GPHB5: variants seen among roughly 807,000 people sequenced by gnomAD.
The protein encoded by GPHB5 is glycoprotein hormone subunit beta 5.
A neutral mutation model predicts 10.1 loss-of-function variants in GPHB5; 7 were observed. The ratio of observed to expected loss-of-function variants is 0.69; its 90% CI spans 0.39 to 1.30. The LOEUF (loss-of-function observed/expected upper bound fraction) is 1.30. Ranked by LOEUF, GPHB5 falls within the 50% of genes most tolerant of loss-of-function variation. GPHB5 has a pLI of 0.01. For synonymous variants in GPHB5, 68 were observed against 70.1 expected, an observed-to-expected ratio of 0.97 and a Z score of 0.15; for missense variants, 161 against 169.8, an observed-to-expected ratio of 0.95 and a Z score of 0.29.
In GPHB5 at chr14:63,312,896, A is replaced by G; in HGVS notation, c.*32T>C. On this transcript the variant is annotated 3_prime_UTR_variant, in exon 3 of 3. Coordinates refer to ENST00000621500, the MANE Select transcript of GPHB5 (RefSeq NM_145171.4). ...AAGTATAACTGCATGTGCTGCTCACACAGGTGGGTCTGCAGAGAGCAGCTA... is the reference window on the plus strand; with the variant it reads ...AAGTATAACTGCATGTGCTGCTCACGCAGGTGGGTCTGCAGAGAGCAGCTA... The G allele has an allele frequency of 6.5e-7, 1 of 1,536,778 alleles. No individual in the cohort carries two copies. The highest frequency in any genetic ancestry group is 1.2e-5 in the South Asian group (1 of 82,746).
intron 2 of GPHB5, among the ~76,000 whole-genome samples, chr14:63,314,905 C>CTTTTTTTT (rs71120257): frequency 4.1e-4 from 31 of 75,308 alleles, no homozygotes; most frequent in African/African-American, 1.0e-3. Context: ...TTTCTTTTTT[C>CTTTTTTTT]TTTTTTTTTT....
At chr14:63,318,500 A>G (rs1039367237) in intron 1 of GPHB5, among the ~76,000 whole-genome samples, 14 of 152,200 alleles carry the variant, frequency 9.2e-5, no homozygotes, top group African/African-American at 3.4e-4. Context: ...CTGCAACAGC[A>G]TCTACTTATG....
At chr14:63,317,323 C>G (rs920893310) in intron 2 of GPHB5, among the ~76,000 whole-genome samples, 6 of 152,146 alleles carry the variant, frequency 3.9e-5, no homozygotes, top group Admixed American at 1.3e-4. Flanking sequence ...GACTTTGCAG[C>G]CACTCTCCCT....
chr14:63,316,516 G>C (rs542100813), intron 2 of GPHB5, among the ~76,000 whole-genome samples: 12 of 152,292 alleles, frequency 7.9e-5, no homozygotes, highest in African/African-American at 2.6e-4. Context: ...CGCGTGTGGT[G>C]GGGGAGGAAG....
chr14:63,316,607 G>A (rs1882775523), intron 2 of GPHB5, among the ~76,000 whole-genome samples: 1 of 152,164 alleles, frequency 6.6e-6, no homozygotes, highest in Non-Finnish European at 1.5e-5. Flanking sequence ...CTGCAGATAG[G>A]CATCAGGAAT....
chr14:63,313,248 T>C (rs1490238787), intron 2 of GPHB5, 132 bp from the exon 3 acceptor site: 2 of 876,728 alleles, frequency 2.3e-6, no homozygotes, highest in African/African-American at 1.7e-5. Flanking sequence ...CGTCTCCCAG[T>C]AGAAAACAAA....
chr14:63,313,906 G>A (rs1321649994), intron 2 of GPHB5, among the ~76,000 whole-genome samples: 1 of 152,030 alleles, frequency 6.6e-6, no homozygotes, highest in African/African-American at 2.4e-5. Flanking sequence ...ACCACACGAC[G>A]TAGTCTACCT....
rs746699699 is a variant in GPHB5, at chr14:63,318,914, G to A, written c.-92C>T. On this transcript the variant is annotated 5_prime_UTR_variant, in exon 1 of 3. Transcript: ENST00000621500. ...AATGAATGGTAGAAGTTTGCCCTGG[G>A]TAAATGTCTCTACCTTCTGTTACTG... is the stretch of plus-strand genomic sequence containing the variant. The A allele has an allele frequency of 2.6e-5, 4 of 152,186 alleles. No individual in the cohort carries two copies. The highest frequency in any genetic ancestry group is 5.9e-5 in the Non-Finnish European group (4 of 68,030). The allele number at this position is 152,186 out of a possible 1,614,324, so 9.4% of individuals were successfully genotyped here.
chr14:63,317,200 G>T (rs1037298199), intron 2 of GPHB5, among the ~76,000 whole-genome samples: 1 of 152,116 alleles, frequency 6.6e-6, no homozygotes, highest in Non-Finnish European at 1.5e-5. Context: ...TCAGCTCAGG[G>T]CCTCTTTCTT....
chr14:63,316,690 T>G (rs1882776928), intron 2 of GPHB5, among the ~76,000 whole-genome samples: 1 of 152,166 alleles, frequency 6.6e-6, no homozygotes, highest in Non-Finnish European at 1.5e-5. Flanking sequence ...TAAGGGCTAT[T>G]TGATAAAACC....
chr14:63,315,960 G>A (rs1036373733), intron 2 of GPHB5, among the ~76,000 whole-genome samples: 29 of 152,292 alleles, frequency 1.9e-4, no homozygotes, highest in Middle Eastern at 3.4e-3. Context: ...TGAATCGAAC[G>A]GAAGCAGGAG....
In GPHB5 at chr14:63,313,018, C is replaced by T. The variant is rs756466048; in HGVS notation, c.303G>A (p.Pro101=). Residue 101 remains proline (P), a synonymous_variant, in exon 3 of 3, where the codon CCG becomes CCA. Coordinates refer to ENST00000621500, the MANE Select transcript of GPHB5 (RefSeq NM_145171.4). ...QVTVKLPNCA[P]GVDPFYTYPV... is the part of the protein sequence containing the mutation. Reference sequence around the variant, plus strand: ...GATAGGTGTAGAAGGGGTCGACTCCCGGGGCACAGTTGGGCAGCTTGACAG... The same window carrying T: ...GATAGGTGTAGAAGGGGTCGACTCCTGGGGCACAGTTGGGCAGCTTGACAG... The T allele has an allele frequency of 1.5e-5, 24 of 1,593,504 alleles. No homozygotes were observed. The Admixed American group carries it at 2.8e-4, about 19-fold the overall frequency.
chr14:63,312,959 G>C lies in GPHB5; in HGVS notation c.362C>G (p.Ser121Cys), dbSNP rs1007881015. ...VAIRCDCGAC[S>C]TATTECETI Reference sequence around the variant, plus strand: ...GGTCTCACACTCCGTGGTGGCAGTGGAGCAGGCTCCGCAGTCACAGCGGAT... The same window carrying C: ...GGTCTCACACTCCGTGGTGGCAGTGCAGCAGGCTCCGCAGTCACAGCGGAT... Residue 121 changes from serine (S) to cysteine (C), a missense_variant, in exon 3 of 3, where the codon TCC (serine) becomes TGC (cysteine). By Grantham distance (112) the Ser-to-Cys change is moderately radical. Coordinates refer to ENST00000621500, the MANE Select transcript of GPHB5 (RefSeq NM_145171.4). 6 of 1,554,480 alleles carry C rather than the reference G, an allele frequency of 3.9e-6. No individual in the cohort carries two copies. In the African/African-American group the frequency reaches 8.2e-5, roughly 21 times the overall value.
chr14:63,317,564 C>T, intron 2 of GPHB5, 82 bp downstream of exon 2: 1 of 1,338,034 alleles, frequency 7.5e-7, no homozygotes, highest in Non-Finnish European at 1.0e-6. Context: ...TACCTCATAT[C>T]ATTTAAAAAG....
intron 2 of GPHB5, 130 bp from the exon 3 acceptor site, chr14:63,313,246 A>G (rs1043372559): frequency 1.1e-6 from 1 of 883,094 alleles, no homozygotes. Context: ...GTCGTCTCCC[A>G]GTAGAAAACA....
At chr14:63,316,446 T>A (rs932436328) in intron 2 of GPHB5, among the ~76,000 whole-genome samples, 5 of 152,138 alleles carry the variant, frequency 3.3e-5, no homozygotes, top group Non-Finnish European at 5.9e-5. Context: ...ATACACGACA[T>A]CTTGACAAAA....
At chr14:63,315,222 C>T (rs1458030892) in intron 2 of GPHB5, among the ~76,000 whole-genome samples, 1 of 152,108 alleles carries the variant, frequency 6.6e-6, no homozygotes, top group Non-Finnish European at 1.5e-5. Flanking sequence ...GCCAGCCTTG[C>T]CTTTGACAAA....
At position 63,316,066 on chromosome 14, in the gene GPHB5, T is replaced by A. The variant is rs1401513123; in HGVS notation, c.204+1580A>T. Reference sequence around the variant, plus strand: ...AGGCCAGTCCCTGAACAGGAGGAGGTGCCAAGTGCCCCAGGTGAATTTGCT... The same window carrying A: ...AGGCCAGTCCCTGAACAGGAGGAGGAGCCAAGTGCCCCAGGTGAATTTGCT... On this transcript the variant is annotated intron_variant, in intron 2 of 2. Transcript: ENST00000621500. Among the ~76,000 whole-genome samples, 6 of 151,984 alleles carry A rather than the reference T, an allele frequency of 3.9e-5. No individual in the cohort carries two copies. In the East Asian group the frequency reaches 9.6e-4, roughly 24 times the overall value.
At chr14:63,317,532 G>A in intron 2 of GPHB5, 114 bp downstream of exon 2, 1 of 987,886 alleles carries the variant, frequency 1.0e-6, no homozygotes, top group Non-Finnish European at 1.5e-6. Context: ...AAGTCCACAG[G>A]AAAGGGCAGA....
Sources: gnomAD v4.1 joint callset for allele counts (sites outside exome capture counted in the v4.1 genomes callset) on GRCh38, gnomAD v4.1.1 for gene constraint, MANE v1.5 for transcripts, NCBI Gene and HGNC (gene_info 2026-07-23, HGNC 2026-07-21) for gene names.